The following PLD5 variants were observed in gnomAD, a reference collection of about 807,000 sequenced individuals.
The protein encoded by PLD5 is phospholipase D family member 5.
In PLD5, 36 loss-of-function variants were observed where a neutral mutation model predicts 61.1. That is an observed-to-expected ratio of 0.59 (90% CI 0.45 to 0.78). PLD5 has a LOEUF of 0.78. Among genes scored for constraint, PLD5 ranks in the 30% least tolerant of loss-of-function variants. The pLI, the probability that PLD5 is intolerant of heterozygous loss-of-function variation, is 0.00. For synonymous variants in PLD5, 243 were observed against 242.8 expected, an observed-to-expected ratio of 1.00 and a Z score of -0.01; for missense variants, 515 against 644.4, an observed-to-expected ratio of 0.80 and a Z score of 2.17.
chr1:242,425,526 A>T (rs902854462), intron 1 of PLD5, among the ~76,000 whole-genome samples: 5 of 152,092 alleles, frequency 3.3e-5, no homozygotes, highest in African/African-American at 1.2e-4. Context: ...AAGGCCTAGG[A>T]TATTACTGTA....
chr1:242,394,769 AATATATATGTGTATATATG>A lies in PLD5; in HGVS notation c.190-46546_190-46528del, dbSNP rs1558527077. ...GTGAACATATATGTGTATATATGTG[AATATATATGTGTATATATG>A]TGAATATATATGTGTATATATGTGA... On this transcript the variant is annotated intron_variant, in intron 1 of 9. Transcript: ENST00000536534. Among the ~76,000 whole-genome samples, 14 of 22,398 alleles carry A rather than the reference AATATATATGTGTATATATG, an allele frequency of 6.3e-4. 2 individuals carry two copies. The East Asian group carries it at 0.016, about 25-fold the overall frequency. 14.7% of individuals were successfully genotyped at this position (22,398 alleles called of 152,430 possible). A position where few individuals can be genotyped will look rare whatever the true frequency, so the allele number is the denominator to read the frequency against.
chr1:242,467,170 A>C (rs746025192), intron 1 of PLD5, among the ~76,000 whole-genome samples: 2 of 152,208 alleles, frequency 1.3e-5, no homozygotes, highest in Non-Finnish European at 1.5e-5. Context: ...ATCATCCCAC[A>C]ATGTAAATAC....
intron 5 of PLD5, among the ~76,000 whole-genome samples, chr1:242,162,715 GCTA>G (rs1362577209): frequency 1.3e-5 from 2 of 152,130 alleles, no homozygotes; most frequent in Non-Finnish European, 2.9e-5. Context: ...ATGCTAAAAA[GCTA>G]CGAGAAGTTT....
At chr1:242,302,523 G>A (rs4039096) in intron 2 of PLD5, among the ~76,000 whole-genome samples, 146,394 of 152,108 alleles carry the variant, frequency 0.96, 70,631 homozygotes, top group Non-Finnish European at 1. Flanking sequence ...AGTAAGACCA[G>A]CCTGGTCAAC....
intron 1 of PLD5, among the ~76,000 whole-genome samples, chr1:242,400,188 GA>G (rs113690368): frequency 0.45 from 61,327 of 137,130 alleles, 13,731 homozygotes; most frequent in African/African-American, 0.54. Flanking sequence ...CAAAAGAAAA[GA>G]AAAAAAAAAA....
chr1:242,264,042 T>G (rs865817224), intron 4 of PLD5, among the ~76,000 whole-genome samples: 5 of 152,074 alleles, frequency 3.3e-5, no homozygotes, highest in Admixed American at 6.6e-5. Flanking sequence ...AAAGAGATGC[T>G]AGGAAACTCC....
intron 5 of PLD5, among the ~76,000 whole-genome samples, chr1:242,214,750 C>G (rs918725834): frequency 6.6e-6 from 1 of 151,894 alleles, no homozygotes; most frequent in Non-Finnish European, 1.5e-5. Flanking sequence ...TTATGGCAAA[C>G]AGATGTTACA....
intron 4 of PLD5, among the ~76,000 whole-genome samples, chr1:242,227,959 T>C (rs982962510): frequency 6.6e-6 from 1 of 152,212 alleles, no homozygotes; most frequent in Admixed American, 6.5e-5. Flanking sequence ...AATTATTTAT[T>C]ATCACTTCCG....
chr1:242,406,226 C>G (rs1664227092), intron 1 of PLD5, among the ~76,000 whole-genome samples: 1 of 152,160 alleles, frequency 6.6e-6, no homozygotes, highest in South Asian at 2.1e-4. Flanking sequence ...TCTCCATTTT[C>G]TCTGTCTACC....
In PLD5 at chr1:242,524,356, G is replaced by C. The variant is rs1303431729; in HGVS notation, c.-80C>G. 6.2e-6 allele frequency: 8 copies of C among 1,283,444 alleles called. No individual in the cohort carries two copies. Among genetic ancestry groups the C allele is most frequent in the Non-Finnish European group, 1.0e-6 (1 of 1,000,340 alleles). The allele number at this position is 1,283,444 out of a possible 1,614,324, so 79.5% of individuals were successfully genotyped here. A position where few individuals can be genotyped will look rare whatever the true frequency, so the allele number is the denominator to read the frequency against. On this transcript the variant is annotated 5_prime_UTR_variant, in exon 1 of 10. Coordinates refer to ENST00000536534, the MANE Select transcript of PLD5 (RefSeq NM_001372062.1). The stretch of plus-strand genomic sequence containing the variant: ...GGAGCCGGGCGCGGAGGGCGAGCGG[G>C]AGGCCCAGCGGGAGCCGGAGGTGGA...
At chr1:242,524,050 G>A in intron 1 of PLD5, 38 bp downstream of exon 1, 1 of 1,520,354 alleles carries the variant, frequency 6.6e-7, no homozygotes, top group Admixed American at 2.0e-5. Context: ...CATGCGGCAG[G>A]TGCCTGGCCG....
chr1:242,476,061 G>A (rs937445185), intron 1 of PLD5, among the ~76,000 whole-genome samples: 6 of 152,252 alleles, frequency 3.9e-5, no homozygotes, highest in East Asian at 1.9e-4. Context: ...CACATAAAAC[G>A]CCTCCATATG....
chr1:242,511,288 T>C lies in PLD5; in HGVS notation c.189+12800A>G, dbSNP rs552915863. Among the ~76,000 whole-genome samples the C allele has an allele frequency of 3.9e-5, 6 of 152,258 alleles. No homozygotes were observed. The East Asian group carries it at 1.2e-3, about 29-fold the overall frequency. On this transcript the variant is annotated intron_variant, in intron 1 of 9. Transcript: ENST00000536534. Reference sequence around the variant, plus strand: ...GAATAAATAAGATATTGAGGGAAAATAGACTAATCTTCCTTACAAAAAATT... The same window carrying C: ...GAATAAATAAGATATTGAGGGAAAACAGACTAATCTTCCTTACAAAAAATT...
At chr1:242,370,535 T>C (rs758110503) in intron 1 of PLD5, among the ~76,000 whole-genome samples, 8 of 152,166 alleles carry the variant, frequency 5.3e-5, no homozygotes, top group Non-Finnish European at 1.0e-4. Context: ...GCTGTGTTTG[T>C]GACCCATTTC....
At chr1:242,301,430 G>A (rs1676030305) in intron 2 of PLD5, among the ~76,000 whole-genome samples, 1 of 152,068 alleles carries the variant, frequency 6.6e-6, no homozygotes, top group South Asian at 2.1e-4. Context: ...TGAGCTGAAG[G>A]CAATAGAGAA....
intron 1 of PLD5, among the ~76,000 whole-genome samples, chr1:242,348,916 T>C (rs1230127894): frequency 3.9e-5 from 6 of 151,940 alleles, no homozygotes; most frequent in East Asian, 1.9e-4. Flanking sequence ...TAGCTGGGCG[T>C]GGTGGCAGGC....
chr1:242,186,173 T>C (rs867993651), intron 5 of PLD5, among the ~76,000 whole-genome samples: 2,932 of 149,018 alleles, frequency 0.02, 100 homozygotes, highest in African/African-American at 0.067. Flanking sequence ...GAGAGATATA[T>C]ATATATATAC....
intron 4 of PLD5, among the ~76,000 whole-genome samples, chr1:242,243,654 C>G (rs1047971253): frequency 1.3e-5 from 2 of 152,180 alleles, no homozygotes; most frequent in Admixed American, 6.5e-5. Flanking sequence ...AGAAGAGGAA[C>G]AAGGAGTTTG....
intron 5 of PLD5, among the ~76,000 whole-genome samples, chr1:242,190,173 T>TCTCG (rs2148926092): frequency 8.6e-6 from 1 of 116,306 alleles, no homozygotes; most frequent in East Asian, 2.9e-4. Flanking sequence ...TGAGACGGAG[T>TCTCG]CTCGCTCTGT....
Sources: gnomAD v4.1 joint callset for allele counts (sites outside exome capture counted in the v4.1 genomes callset) on GRCh38, gnomAD v4.1.1 for gene constraint, MANE v1.5 for transcripts, NCBI Gene and HGNC (gene_info 2026-07-23, HGNC 2026-07-21) for gene names.